Variants in WNT2B observed in about 807,000 individuals in gnomAD.
The protein encoded by WNT2B is protein Wnt-2b.
WNT2B carries 19 observed loss-of-function variants against 40.5 expected under a neutral mutation model. The observed-to-expected ratio is 0.47, with a 90% CI of 0.33 to 0.69. The LOEUF (loss-of-function observed/expected upper bound fraction) is 0.69, where lower values mean the gene tolerates loss of function less well. WNT2B is among the 30% of genes least tolerant of loss of function. The pLI is 0.02. For synonymous variants in WNT2B, 220 were observed against 211.9 expected, an observed-to-expected ratio of 1.04 and a Z score of -0.33; for missense variants, 467 against 556.4, an observed-to-expected ratio of 0.84 and a Z score of 1.62.
chr1:112,518,700 A>G (rs932786608), intron 4 of WNT2B, among the ~76,000 whole-genome samples: 7 of 152,148 alleles, frequency 4.6e-5, no homozygotes, highest in Non-Finnish European at 8.8e-5. Context: ...GGAACTTTGG[A>G]GTTAGGAGGG....
Position 112,483,035 on chromosome 1 carries a change from T to C in WNT2B, c.-95+15444T>C, listed in dbSNP as rs191702404. Reference sequence around the variant, plus strand: ...TTAATCACACTTCCCAATTTTGAAATGTATTATAGCCAGATACAGGGTAGT... The same window carrying C: ...TTAATCACACTTCCCAATTTTGAAACGTATTATAGCCAGATACAGGGTAGT... On this transcript the variant is annotated intron_variant, in intron 1 of 4. Coordinates refer to the WNT2B transcript ENST00000256640. Among the ~76,000 whole-genome samples the C allele has an allele frequency of 2.2e-4, 34 of 152,198 alleles. 1 individual carries two copies. The East Asian group carries it at 6.4e-3, about 29-fold the overall frequency.
chr1:112,519,075 G>A (rs1652716613), intron 4 of WNT2B, among the ~76,000 whole-genome samples: 1 of 152,076 alleles, frequency 6.6e-6, no homozygotes, highest in South Asian at 2.1e-4. Context: ...GGGGTTTTTG[G>A]TGCCCAAGAG....
intron 1 of WNT2B, chr1:112,467,652 C>G (rs369807028): frequency 1.3e-6 from 1 of 750,714 alleles, no homozygotes; most frequent in Non-Finnish European, 2.5e-6. Flanking sequence ...CTTTTCTTCT[C>G]GATACATAAT....
chr1:112,471,438 T>C (rs1176092940), intron 1 of WNT2B, among the ~76,000 whole-genome samples: 1 of 152,226 alleles, frequency 6.6e-6, no homozygotes, highest in African/African-American at 2.4e-5. Context: ...TCTGTTGAAC[T>C]CCAGTGTTCT....
upstream of WNT2B, among the ~76,000 whole-genome samples, chr1:112,507,460 C>G (rs1172883413): frequency 6.6e-6 from 1 of 152,200 alleles, no homozygotes; most frequent in African/African-American, 2.4e-5. Flanking sequence ...AGGTTGGGGA[C>G]AGGAGGGAAG....
upstream of WNT2B, among the ~76,000 whole-genome samples, chr1:112,507,638 A>G (rs1392740219): frequency 6.6e-6 from 1 of 152,158 alleles, no homozygotes; most frequent in Admixed American, 6.5e-5. Flanking sequence ...ATCTGCTTAC[A>G]CTCGGGAGGC....
intron 1 of WNT2B, among the ~76,000 whole-genome samples, chr1:112,469,078 A>G (rs924436039): frequency 3.9e-5 from 6 of 152,078 alleles, no homozygotes; most frequent in African/African-American, 1.4e-4. Flanking sequence ...TCCCCATTGT[A>G]TGTCCTTGGT....
chr1:112,482,079 G>A (rs1651243223), intron 1 of WNT2B, among the ~76,000 whole-genome samples: 1 of 151,484 alleles, frequency 6.6e-6, no homozygotes, highest in Non-Finnish European at 1.5e-5. Context: ...CTGGGAGGCA[G>A]AGGTTGCAGT....
At chr1:112,514,781 C>G in intron 1 of WNT2B, 93 bp from the exon 2 acceptor site, 1 of 1,232,430 alleles carries the variant, frequency 8.1e-7, no homozygotes, top group Non-Finnish European at 1.2e-6. Context: ...AGAATCTCTT[C>G]AAGGTCTGGA....
At chr1:112,493,940 CA>C (rs79773849) in intron 1 of WNT2B, among the ~76,000 whole-genome samples, 86,004 of 138,746 alleles carry the variant, frequency 0.62, 26,238 homozygotes, top group South Asian at 0.78. Context: ...AAATCTAAGA[CA>C]AAAAAAAAAA....
chr1:112,486,634 A>G (rs959127343), intron 1 of WNT2B, among the ~76,000 whole-genome samples: 1 of 151,306 alleles, frequency 6.6e-6, no homozygotes, highest in Non-Finnish European at 1.5e-5. Flanking sequence ...TCCAGAACAT[A>G]TGAAGAACTT....
At chr1:112,481,023 G>A (rs1256982627) in intron 1 of WNT2B, among the ~76,000 whole-genome samples, 1 of 152,094 alleles carries the variant, frequency 6.6e-6, no homozygotes, top group Non-Finnish European at 1.5e-5. Context: ...ACAAAAATTA[G>A]CTGGGCATGT....
intron 1 of WNT2B, among the ~76,000 whole-genome samples, chr1:112,486,682 A>G (rs1651429196): frequency 6.6e-6 from 1 of 152,122 alleles, no homozygotes; most frequent in Non-Finnish European, 1.5e-5. Context: ...CAATAAAAAT[A>G]GGGGAAATAT....
At chr1:112,504,717 G>A (rs185203789), upstream of WNT2B, among the ~76,000 whole-genome samples, 6 of 152,222 alleles carry the variant, frequency 3.9e-5, no homozygotes, top group South Asian at 2.1e-4. Context: ...CAGGAAAGGC[G>A]TCTCAGGGCC....
intron 1 of WNT2B, among the ~76,000 whole-genome samples, chr1:112,487,933 CAAAAAAAAA>C (rs59297238): frequency 1.5e-5 from 1 of 68,204 alleles, no homozygotes; most frequent in Non-Finnish European, 2.6e-5. Context: ...GGCTCTGACT[CAAAAAAAAA>C]AAAAAAAAAA....
intron 1 of WNT2B, among the ~76,000 whole-genome samples, chr1:112,501,051 C>T (rs1651936213): frequency 6.6e-6 from 1 of 152,168 alleles, no homozygotes; most frequent in African/African-American, 2.4e-5. Context: ...CTTGTCGTGT[C>T]TCCTTAGGCG....
At chr1:112,470,078 T>C (rs549359695) in intron 1 of WNT2B, among the ~76,000 whole-genome samples, 1 of 152,326 alleles carries the variant, frequency 6.6e-6, no homozygotes, top group South Asian at 2.1e-4. Flanking sequence ...CCAGTGAGTT[T>C]TGTACCTTCG....
At chr1:112,494,575 G>A (rs115283733) in intron 1 of WNT2B, among the ~76,000 whole-genome samples, 2,760 of 151,394 alleles carry the variant, frequency 0.018, 208 homozygotes, top group African/African-American at 0.064. Context: ...TCTCTCTTTT[G>A]TAGAGAAGGG....
intron 1 of WNT2B, among the ~76,000 whole-genome samples, chr1:112,481,928 C>G (rs1479584815): frequency 6.6e-6 from 1 of 151,970 alleles, no homozygotes; most frequent in African/African-American, 2.4e-5. Context: ...GGGCAGATCA[C>G]TTGAGGTCAG....
Sources: gnomAD v4.1 joint callset for allele counts (sites outside exome capture counted in the v4.1 genomes callset) on GRCh38, gnomAD v4.1.1 for gene constraint, MANE v1.5 for transcripts, NCBI Gene and HGNC (gene_info 2026-07-23, HGNC 2026-07-21) for gene names.